Variants in ZBTB25 observed in about 807,000 individuals in gnomAD.
ZBTB25 encodes zinc finger and BTB domain-containing protein 25.
In ZBTB25, 20 loss-of-function variants were observed where a neutral mutation model predicts 34.2. The ratio of observed to expected loss-of-function variants is 0.58; its 90% CI spans 0.41 to 0.85. The LOEUF is 0.85. ZBTB25 is among the 40% of genes least tolerant of loss of function. The probability of loss-of-function intolerance (pLI) is 0.00; values close to 1 mark genes in which losing one functional copy is unlikely to be tolerated. For synonymous variants in ZBTB25, 175 were observed against 186.4 expected (o/e 0.94, Z 0.50); for missense variants, 437 against 521.8 (o/e 0.84, Z 1.58).
intron 1 of ZBTB25, among the ~76,000 whole-genome samples, chr14:64,498,426 G>C (rs1467862679): frequency 6.7e-6 from 1 of 150,358 alleles, no homozygotes; most frequent in Non-Finnish European, 1.5e-5. Context: ...GCTTCTCCCG[G>C]ACTCAGCCTC....
intron 1 of ZBTB25, among the ~76,000 whole-genome samples, chr14:64,498,800 AT>A (rs1201305983): frequency 1.1e-4 from 16 of 151,324 alleles, no homozygotes; most frequent in Admixed American, 1.1e-3. Flanking sequence ...CACCCAGCTA[AT>A]TTTTTTGTAT....
chr14:64,490,511 A>C lies in ZBTB25; in HGVS notation c.23T>G (p.Leu8Arg), dbSNP rs759585749. The change falls in exon 2 of 3, where the codon CTT becomes CGT. Residue 8 changes from leucine to arginine, a missense_variant. Coordinates refer to ENST00000608382, the MANE Select transcript of ZBTB25 (RefSeq NM_006977.5). MDTASHS[L>R]VLLQQLNMQR... is the part of the protein sequence containing the mutation. ...CATGTTCAGCTGCTGGAGAAGAACA[A>C]GGCTATGGCTGGCAGTGTCCATTGT... 1 of 1,613,456 alleles carries C rather than the reference A, an allele frequency of 6.2e-7. No individual in the cohort carries two copies. Among genetic ancestry groups the C allele is most frequent in the Non-Finnish European group, 8.5e-7 (1 of 1,179,556 alleles).
upstream of ZBTB25, among the ~76,000 whole-genome samples, chr14:64,504,259 G>A (rs1272220627): frequency 2.6e-5 from 4 of 151,600 alleles, no homozygotes; most frequent in Admixed American, 6.6e-5. Context: ...GGAAGGTGGG[G>A]TCGGGGGGGC....
rs1378004648 is a variant in ZBTB25 at position 64,487,394 on chromosome 14, A to G, written c.837T>C (p.Leu279=). The G allele has an allele frequency of 1.9e-6, 3 of 1,614,186 alleles. No homozygotes were observed. The highest frequency in any genetic ancestry group is 4.5e-5 in the East Asian group (2 of 44,888). The part of the protein sequence containing the change: ...VPASILESND[L]GEVHPLNENS... ...TTTCATTAAGGGGATGCACTTCACC[A>G]AGGTCATTACTTTCCAGAATGGAAG... The change falls in exon 3 of 3, where the codon CTT becomes CTC. Residue 279 remains leucine (L), a synonymous_variant. Transcript: ENST00000608382.
rs944666145 is a variant in ZBTB25, at chr14:64,482,978, T to G, written c.*3945A>C. 3 of 152,208 alleles carry G rather than the reference T, an allele frequency of 2.0e-5. No individual in the cohort carries two copies. Among genetic ancestry groups the G allele is most frequent in the Non-Finnish European group, 4.4e-5 (3 of 68,052 alleles). The allele number at this position is 152,208 out of a possible 1,614,324, so 9.4% of individuals were successfully genotyped here. A position where few individuals can be genotyped will look rare whatever the true frequency, so the allele number is the denominator to read the frequency against. On this transcript the variant is annotated 3_prime_UTR_variant, in exon 3 of 3. Coordinates refer to ENST00000608382, the MANE Select transcript of ZBTB25 (RefSeq NM_006977.5). ...AAGAGTTATAAATAAAAAAATTTTT[T>G]GTTTTCTTATAAGGCAGACTGTGCT...
Position 64,483,403 on chromosome 14 carries a change from G to C in ZBTB25, c.*3520C>G, listed in dbSNP as rs11845653. ...AGCTATTCCACTGCCTCAGCCTCTC[G>C]AGTAGCTGGGATTACAGGTGTGTGC... On this transcript the variant is annotated 3_prime_UTR_variant, in exon 3 of 3. Coordinates refer to ENST00000608382, the MANE Select transcript of ZBTB25 (RefSeq NM_006977.5). 0.24 allele frequency: 36,669 copies of C among 151,852 alleles called. 5,170 individuals carry two copies. Among genetic ancestry groups the C allele is most frequent in the East Asian group, 0.42 (2,134 of 5,124 alleles). The allele number at this position is 151,852 out of a possible 1,614,324, so 9.4% of individuals were successfully genotyped here.
intron 2 of ZBTB25, among the ~76,000 whole-genome samples, chr14:64,488,871 A>G (rs1327673495): frequency 6.6e-6 from 1 of 152,228 alleles, no homozygotes; most frequent in Non-Finnish European, 1.5e-5. Flanking sequence ...TCACCACTGC[A>G]TTGTATAATT....
chr14:64,494,525 T>C (rs1475325006), intron 1 of ZBTB25, among the ~76,000 whole-genome samples: 1 of 151,902 alleles, frequency 6.6e-6, no homozygotes, highest in Non-Finnish European at 1.5e-5. Context: ...CCCAGCTACT[T>C]GGGAGGTTGA....
At chr14:64,496,040 T>A (rs865885193) in intron 1 of ZBTB25, among the ~76,000 whole-genome samples, 1 of 151,916 alleles carries the variant, frequency 6.6e-6, no homozygotes, top group Non-Finnish European at 1.5e-5. Flanking sequence ...CATTACCCCC[T>A]CCCCCAACAT....
Position 64,482,871 on chromosome 14 carries a change from C to T in ZBTB25, c.*4052G>A, listed in dbSNP as rs2141015907. 6.6e-6 allele frequency: 1 copy of T among 152,208 alleles called. No homozygotes were observed. Among genetic ancestry groups the T allele is most frequent in the African/African-American group, 2.4e-5 (1 of 41,546 alleles). The allele number at this position is 152,208 out of a possible 1,614,324, so 9.4% of individuals were successfully genotyped here. ...GAACTTAACACGTTTAATATAAATC[C>T]TCACAACACCCCTGTGAGGTAAGTA... On this transcript the variant is annotated 3_prime_UTR_variant, in exon 3 of 3. Transcript: ENST00000608382.
chr14:64,462,832 G>C (rs956264882), intron 2 of ZBTB25: 3 of 152,196 alleles, frequency 2.0e-5, no homozygotes, highest in African/African-American at 7.2e-5. Flanking sequence ...GTGTCCCAGG[G>C]AACGGGGTTG....
rs1251117230 is a variant in ZBTB25, at chr14:64,503,361, C to CGGGT, written c.-8+299_-8+300insACCC. 1,487 of 985,390 alleles carry CGGGT rather than the reference C, an allele frequency of 1.5e-3. 5 individuals are homozygous for CGGGT. The highest frequency in any genetic ancestry group is 2.9e-3 in the South Asian group (62 of 21,294). 61.0% of individuals were successfully genotyped at this position (985,390 alleles called of 1,614,324 possible). A position where few individuals can be genotyped will look rare whatever the true frequency, so the allele number is the denominator to read the frequency against. Reference sequence around the variant, plus strand: ...TCCTGCTGGGGGTCGCACCCGGACCCGCGGCCGGGACGGCTCTGCACCTTC... The same window carrying CGGGT: ...TCCTGCTGGGGGTCGCACCCGGACCCGGGTGCGGCCGGGACGGCTCTGCACCTTC... On this transcript the variant is annotated intron_variant, in intron 1 of 2. Transcript: ENST00000608382.
chr14:64,481,023 C>T lies in ZBTB25; in HGVS notation c.*5900G>A, dbSNP rs1025528309. ...TCTCGGCTCACTGCAACCTCCATCT[C>T]CCGGGTTCAAATGATTCTGTCTCAG... On this transcript the variant is annotated 3_prime_UTR_variant, in exon 3 of 3. Transcript: ENST00000608382. 6 of 152,214 alleles carry T rather than the reference C, an allele frequency of 3.9e-5. No homozygotes were observed. The highest frequency in any genetic ancestry group is 5.9e-5 in the Non-Finnish European group (4 of 68,162). 9.4% of individuals were successfully genotyped at this position (152,214 alleles called of 1,614,324 possible).
At chr14:64,473,467 G>C (rs1235532952), downstream of ZBTB25, 1 of 166,984 alleles carries the variant, frequency 6.0e-6, no homozygotes, top group Non-Finnish European at 1.5e-5. Flanking sequence ...ATGTGAACAG[G>C]CTTGCTAAAG....
chr14:64,482,555 G>A lies in ZBTB25; in HGVS notation c.*4368C>T, dbSNP rs915314261. The A allele has an allele frequency of 6.6e-6, 1 of 152,144 alleles. No individual in the cohort carries two copies. The highest frequency in any genetic ancestry group is 1.5e-5 in the Non-Finnish European group (1 of 68,014). The allele number at this position is 152,144 out of a possible 1,614,324, so 9.4% of individuals were successfully genotyped here. A position where few individuals can be genotyped will look rare whatever the true frequency, so the allele number is the denominator to read the frequency against. ...GAGAACTTTCAATAAAGCTGAAATT[G>A]ACAAAGTTTTATTCCCAATAATGCC... On this transcript the variant is annotated 3_prime_UTR_variant, in exon 3 of 3. Transcript: ENST00000608382.
downstream of ZBTB25, chr14:64,473,487 A>G (rs1297858099): frequency 6.0e-6 from 1 of 167,088 alleles, no homozygotes; most frequent in Admixed American, 6.5e-5. Context: ...GGCATTAAAG[A>G]TATGGATCAT....
intron 2 of ZBTB25, among the ~76,000 whole-genome samples, chr14:64,453,194 A>G (rs980584954): frequency 8.5e-5 from 13 of 152,126 alleles, no homozygotes; most frequent in Non-Finnish European, 1.9e-4. Flanking sequence ...GTATGTGTGT[A>G]TATGTATATC....
At chr14:64,464,322 C>T (rs914650537) in intron 2 of ZBTB25, among the ~76,000 whole-genome samples, 1 of 152,134 alleles carries the variant, frequency 6.6e-6, no homozygotes, top group Non-Finnish European at 1.5e-5. Flanking sequence ...TGAGCTACTG[C>T]GCCCATCCCT....
chr14:64,456,357 T>C (rs2078474185), intron 2 of ZBTB25, among the ~76,000 whole-genome samples: 1 of 152,264 alleles, frequency 6.6e-6, no homozygotes, highest in South Asian at 2.1e-4. Flanking sequence ...AGACTCAGAT[T>C]ATTTGAATAT....
Sources: gnomAD v4.1 joint callset for allele counts (sites outside exome capture counted in the v4.1 genomes callset) on GRCh38, gnomAD v4.1.1 for gene constraint, MANE v1.5 for transcripts, NCBI Gene and HGNC (gene_info 2026-07-23, HGNC 2026-07-21) for gene names.